MSRA: variants seen among roughly 807,000 people sequenced by gnomAD.
MSRA encodes the protein mitochondrial peptide methionine sulfoxide reductase.
A neutral mutation model predicts 31.3 loss-of-function variants in MSRA; 54 were observed. The ratio of observed to expected loss-of-function variants is 1.73; its 90% CI spans 1.39 to 2.17. MSRA has a LOEUF of 2.17. Among genes scored for constraint, MSRA ranks in the 30% most tolerant of loss-of-function variants. The probability of loss-of-function intolerance (pLI) is 0.00; values close to 1 mark genes in which losing one functional copy is unlikely to be tolerated. For synonymous variants in MSRA, 169 were observed against 116.5 expected (o/e 1.45, Z -2.90); for missense variants, 507 against 300.9 (o/e 1.69, Z -5.07).
intron 1 of MSRA, among the ~76,000 whole-genome samples, chr8:10,139,548 T>A (rs1438921442): frequency 2.6e-5 from 4 of 152,172 alleles, no homozygotes; most frequent in African/African-American, 7.2e-5. Flanking sequence ...GTCCCCGATA[T>A]CTGTTTTTAC....
At chr8:10,295,610 A>G (rs967033603) in intron 3 of MSRA, among the ~76,000 whole-genome samples, 7 of 152,104 alleles carry the variant, frequency 4.6e-5, no homozygotes, top group African/African-American at 1.7e-4. Flanking sequence ...GCGAAGCACC[A>G]CCATTTCTAT....
intron 1 of MSRA, among the ~76,000 whole-genome samples, chr8:10,138,869 CA>C (rs1802482705): frequency 6.6e-6 from 1 of 152,138 alleles, no homozygotes; most frequent in Non-Finnish European, 1.5e-5. Flanking sequence ...ATAGCAGCAG[CA>C]GCAGCAGCAA....
chr8:10,190,612 C>T (rs915697453), intron 1 of MSRA, among the ~76,000 whole-genome samples: 23 of 152,148 alleles, frequency 1.5e-4, no homozygotes, highest in Admixed American at 4.6e-4. Context: ...TCTGTCAGTC[C>T]GTGTTTGCCA....
intron 3 of MSRA, among the ~76,000 whole-genome samples, chr8:10,253,108 C>T (rs1313195463): frequency 6.6e-6 from 1 of 152,166 alleles, no homozygotes; most frequent in Non-Finnish European, 1.5e-5. Context: ...TGAAGGCTGG[C>T]AAGCAGCAAA....
chr8:10,074,314 C>A (rs1431468503), intron 1 of MSRA, among the ~76,000 whole-genome samples: 1 of 151,856 alleles, frequency 6.6e-6, no homozygotes, highest in African/African-American at 2.4e-5. Flanking sequence ...GATCTCCTGA[C>A]CTCGTGATCT....
chr8:10,133,156 T>A (rs1002629977), intron 1 of MSRA, among the ~76,000 whole-genome samples: 2 of 152,164 alleles, frequency 1.3e-5, no homozygotes, highest in African/African-American at 4.8e-5. Context: ...ATTTCAATCA[T>A]GTTTTCCCAC....
intron 1 of MSRA, among the ~76,000 whole-genome samples, chr8:10,197,118 C>A (rs1808063187): frequency 6.6e-6 from 1 of 152,090 alleles, no homozygotes; most frequent in Admixed American, 6.5e-5. Flanking sequence ...TTAAAATAAC[C>A]TTATTTTCAT....
At chr8:10,237,792 A>G (rs935232181) in intron 2 of MSRA, among the ~76,000 whole-genome samples, 10 of 152,174 alleles carry the variant, frequency 6.6e-5, no homozygotes, top group Admixed American at 5.9e-4. Context: ...TCTATCTTCA[A>G]AATATATCCA....
chr8:10,413,343 C>A (rs1437416944), intron 5 of MSRA, among the ~76,000 whole-genome samples: 2 of 152,134 alleles, frequency 1.3e-5, no homozygotes, highest in Admixed American at 6.5e-5. Flanking sequence ...ACTTCAATGG[C>A]CACACCTGAA....
At chr8:10,209,715 C>T (rs959095718) in intron 2 of MSRA, among the ~76,000 whole-genome samples, 1 of 152,176 alleles carries the variant, frequency 6.6e-6, no homozygotes, top group Non-Finnish European at 1.5e-5. Flanking sequence ...AAGGCCTCTG[C>T]AGCTCTAGGC....
At chr8:10,062,872 T>C (rs1019454611) in intron 1 of MSRA, among the ~76,000 whole-genome samples, 2 of 152,056 alleles carry the variant, frequency 1.3e-5, no homozygotes, top group African/African-American at 4.8e-5. Context: ...AGGCACTGAG[T>C]TGTCATCAGG....
chr8:10,121,834 C>T (rs1487451417), intron 1 of MSRA, among the ~76,000 whole-genome samples: 1 of 111,980 alleles, frequency 8.9e-6, no homozygotes, highest in Admixed American at 1.2e-4. Flanking sequence ...CCATACGCAA[C>T]TAATTTTTAA....
intron 1 of MSRA, among the ~76,000 whole-genome samples, chr8:10,073,528 C>G (rs1354436130): frequency 1.3e-5 from 2 of 150,040 alleles, no homozygotes; most frequent in Non-Finnish European, 3.0e-5. Flanking sequence ...TATAGTTTCA[C>G]CAACTTTTTC....
intron 4 of MSRA, among the ~76,000 whole-genome samples, chr8:10,311,300 G>A (rs981539658): frequency 6.6e-6 from 1 of 152,158 alleles, no homozygotes; most frequent in African/African-American, 2.4e-5. Flanking sequence ...AAAATGGAAG[G>A]CAACACAGGA....
chr8:10,272,479 G>C (rs1254303624), intron 3 of MSRA, among the ~76,000 whole-genome samples: 1 of 152,194 alleles, frequency 6.6e-6, no homozygotes, highest in Non-Finnish European at 1.5e-5. Context: ...CAAGTGTTTT[G>C]TTCTATTCAG....
At chr8:10,135,479 T>C (rs1196632028) in intron 1 of MSRA, among the ~76,000 whole-genome samples, 1 of 152,204 alleles carries the variant, frequency 6.6e-6, no homozygotes, top group African/African-American at 2.4e-5. Flanking sequence ...CAACGAGTAA[T>C]ATTAATGACT....
At chr8:10,068,820 G>T (rs1417419274) in intron 1 of MSRA, among the ~76,000 whole-genome samples, 3 of 152,024 alleles carry the variant, frequency 2.0e-5, no homozygotes, top group Non-Finnish European at 4.4e-5. Context: ...CAAATAACTT[G>T]CTGGGATTTT....
chr8:10,305,119 C>T (rs1801055449), intron 4 of MSRA, among the ~76,000 whole-genome samples: 1 of 152,150 alleles, frequency 6.6e-6, no homozygotes, highest in African/African-American at 2.4e-5. Flanking sequence ...TCATTAAGGA[C>T]TTGAAGGGGC....
chr8:10,357,547 G>T (rs905056911), intron 5 of MSRA, among the ~76,000 whole-genome samples: 2 of 152,076 alleles, frequency 1.3e-5, no homozygotes, highest in African/African-American at 2.4e-5. Context: ...CTTCACATTG[G>T]CTCTGGGGTC....
Sources: gnomAD v4.1 joint callset for allele counts (sites outside exome capture counted in the v4.1 genomes callset) on GRCh38, gnomAD v4.1.1 for gene constraint, MANE v1.5 for transcripts, NCBI Gene and HGNC (gene_info 2026-07-23, HGNC 2026-07-21) for gene names.